Variants in KCNQ5 observed in about 807,000 individuals in gnomAD.
KCNQ5 encodes the protein potassium voltage-gated channel subfamily KQT member 5.
In KCNQ5, 30 loss-of-function variants were observed where a neutral mutation model predicts 98.2. The ratio of observed to expected loss-of-function variants is 0.31; its 90% CI spans 0.23 to 0.41. KCNQ5 has a LOEUF of 0.41. Among genes scored for constraint, KCNQ5 ranks in the 10% least tolerant of loss-of-function variants. The pLI, the probability that KCNQ5 is intolerant of heterozygous loss-of-function variation, is 1.00. For synonymous variants in KCNQ5, 458 were observed against 449.4 expected, an observed-to-expected ratio of 1.02 and a Z score of -0.24; for missense variants, 835 against 1,182.5, an observed-to-expected ratio of 0.71 and a Z score of 4.31.
At chr6:72,826,056 C>G (rs1775981039) in intron 1 of KCNQ5, among the ~76,000 whole-genome samples, 1 of 152,046 alleles carries the variant, frequency 6.6e-6, no homozygotes, top group Non-Finnish European at 1.5e-5. Context: ...GCCCTTTTTC[C>G]ACCATTTCCC....
At chr6:72,921,996 T>C (rs895939893) in intron 1 of KCNQ5, among the ~76,000 whole-genome samples, 2 of 152,164 alleles carry the variant, frequency 1.3e-5, no homozygotes, top group Non-Finnish European at 2.9e-5. Context: ...AAAAAGGTTG[T>C]GGGTGGGAGA....
chr6:73,038,791 T>A (rs1357064239), intron 2 of KCNQ5, among the ~76,000 whole-genome samples: 1 of 152,014 alleles, frequency 6.6e-6, no homozygotes, highest in Non-Finnish European at 1.5e-5. Flanking sequence ...TAAATATGGG[T>A]ATGTAGTTTT....
intron 1 of KCNQ5, among the ~76,000 whole-genome samples, chr6:72,701,022 A>G (rs891334890): frequency 7.2e-5 from 11 of 152,378 alleles, no homozygotes; most frequent in African/African-American, 2.4e-4. Context: ...CATTGTAGAC[A>G]TGCAACAGCA....
At chr6:73,034,228 C>A (rs1323790693) in intron 2 of KCNQ5, among the ~76,000 whole-genome samples, 1 of 152,076 alleles carries the variant, frequency 6.6e-6, no homozygotes, top group Non-Finnish European at 1.5e-5. Context: ...TCTTTCCCTG[C>A]AGGGATTATG....
intron 1 of KCNQ5, among the ~76,000 whole-genome samples, chr6:72,754,959 A>C (rs954686736): frequency 8.6e-5 from 13 of 150,496 alleles, no homozygotes; most frequent in African/African-American, 3.2e-4. Context: ...TCAGTTTTTT[A>C]CTTTTTATTA....
At chr6:72,947,959 TA>T (rs1247733222) in intron 1 of KCNQ5, among the ~76,000 whole-genome samples, 1 of 152,086 alleles carries the variant, frequency 6.6e-6, no homozygotes, top group African/African-American at 2.4e-5. Context: ...AAAAACATTT[TA>T]AAAAACAGTT....
chr6:73,082,968 G>A (rs1773841248), intron 5 of KCNQ5, among the ~76,000 whole-genome samples: 1 of 145,414 alleles, frequency 6.9e-6, no homozygotes, highest in African/African-American at 2.6e-5. Context: ...ATAGCTCGCT[G>A]CAGCCTCAAC....
chr6:72,895,716 A>G (rs1321565983), intron 1 of KCNQ5, among the ~76,000 whole-genome samples: 2 of 149,888 alleles, frequency 1.3e-5, no homozygotes, highest in Non-Finnish European at 3.0e-5. Context: ...CAACATATAT[A>G]TAAAACTTAC....
intron 1 of KCNQ5, among the ~76,000 whole-genome samples, chr6:72,818,361 A>G (rs902366385): frequency 5.9e-5 from 9 of 152,138 alleles, no homozygotes; most frequent in African/African-American, 2.2e-4. Flanking sequence ...GTGTATTGTT[A>G]AGAAATTGTT....
intron 2 of KCNQ5, among the ~76,000 whole-genome samples, chr6:73,041,125 CTG>C (rs1272646226): frequency 1.3e-5 from 2 of 152,164 alleles, no homozygotes; most frequent in Non-Finnish European, 2.9e-5. Context: ...AGCAAGGTGA[CTG>C]TGCTAAGCTT....
chr6:73,084,498 C>T lies in KCNQ5; in HGVS notation c.918+6611C>T, dbSNP rs917421279. ...TGCCCTTCTGCCTGGGAGTCACTGA[C>T]GTACGCAGTTTGTAAGCATCTGCAA... On this transcript the variant is annotated intron_variant, in intron 5 of 13. Transcript: ENST00000370398. Among the ~76,000 whole-genome samples, 14 of 152,242 alleles carry T rather than the reference C, an allele frequency of 9.2e-5. No individual in the cohort carries two copies. The East Asian group carries it at 2.5e-3, about 27-fold the overall frequency.
At chr6:72,637,591 A>G (rs1324527539) in intron 1 of KCNQ5, among the ~76,000 whole-genome samples, 2 of 152,170 alleles carry the variant, frequency 1.3e-5, no homozygotes, top group South Asian at 2.1e-4. Flanking sequence ...CTTTTTATCC[A>G]TCTTTTAAAG....
At chr6:72,683,817 A>C (rs528123838) in intron 1 of KCNQ5, among the ~76,000 whole-genome samples, 1 of 151,812 alleles carries the variant, frequency 6.6e-6, no homozygotes, top group African/African-American at 2.4e-5. Context: ...ATGATGAATA[A>C]AGTAATTATG....
At chr6:73,130,613 A>G (rs1237326193) in intron 9 of KCNQ5, among the ~76,000 whole-genome samples, 1 of 152,244 alleles carries the variant, frequency 6.6e-6, no homozygotes, top group Non-Finnish European at 1.5e-5. Context: ...AGGCAGGAAA[A>G]TAATGAAGAC....
chr6:73,166,616 C>T (rs1242928882), intron 10 of KCNQ5, among the ~76,000 whole-genome samples: 2 of 151,916 alleles, frequency 1.3e-5, no homozygotes, highest in Non-Finnish European at 2.9e-5. Flanking sequence ...ATTTCTTGGG[C>T]TGCCATCCCA....
At chr6:72,885,410 A>G (rs1034405160) in intron 1 of KCNQ5, among the ~76,000 whole-genome samples, 1 of 152,212 alleles carries the variant, frequency 6.6e-6, no homozygotes, top group African/African-American at 2.4e-5. Flanking sequence ...GGATCACTTG[A>G]GCCCAGGATT....
intron 1 of KCNQ5, among the ~76,000 whole-genome samples, chr6:72,782,888 C>T (rs1481992383): frequency 1.3e-5 from 2 of 152,078 alleles, no homozygotes; most frequent in African/African-American, 4.8e-5. Context: ...AAATGTTTTT[C>T]AATGAATGAA....
chr6:72,999,696 A>T (rs1769470856), intron 1 of KCNQ5, among the ~76,000 whole-genome samples: 1 of 152,240 alleles, frequency 6.6e-6, no homozygotes, highest in Non-Finnish European at 1.5e-5. Context: ...AGGAAAAATT[A>T]TGATGAAATC....
chr6:72,629,103 C>G (rs1042284130), intron 1 of KCNQ5, among the ~76,000 whole-genome samples: 1 of 152,190 alleles, frequency 6.6e-6, no homozygotes, highest in African/African-American at 2.4e-5. Flanking sequence ...CATACTGATT[C>G]ATTTACTGAC....
Sources: gnomAD v4.1 joint callset for allele counts (sites outside exome capture counted in the v4.1 genomes callset) on GRCh38, gnomAD v4.1.1 for gene constraint, MANE v1.5 for transcripts, NCBI Gene and HGNC (gene_info 2026-07-23, HGNC 2026-07-21) for gene names.